Variants in SYT13 observed in about 807,000 individuals in gnomAD.
The protein encoded by SYT13 is synaptotagmin-13.
A neutral mutation model predicts 38.6 loss-of-function variants in SYT13; 21 were observed. That is an observed-to-expected ratio of 0.54 (90% CI 0.39 to 0.78). The LOEUF (loss-of-function observed/expected upper bound fraction) is 0.78. Ranked by LOEUF, SYT13 falls within the 30% of genes least tolerant of loss-of-function variation. The pLI, the probability that SYT13 is intolerant of heterozygous loss-of-function variation, is 0.00. For synonymous variants in SYT13, 241 were observed against 237.6 expected, an observed-to-expected ratio of 1.01 and a Z score of -0.13; for missense variants, 495 against 548.7, an observed-to-expected ratio of 0.90 and a Z score of 0.98.
intron 1 of SYT13, among the ~76,000 whole-genome samples, chr11:45,269,138 G>C (rs1003251716): frequency 1.3e-5 from 2 of 152,126 alleles, no homozygotes; most frequent in East Asian, 3.9e-4. Context: ...GCACCCTGAA[G>C]TCTGACAGGT....
At chr11:45,251,452 G>C (rs181671105) in intron 4 of SYT13, among the ~76,000 whole-genome samples, 74 of 151,476 alleles carry the variant, frequency 4.9e-4, no homozygotes, top group Middle Eastern at 3.4e-3. Context: ...TTAGCATGAG[G>C]GTTGTCAAAC....
intron 1 of SYT13, among the ~76,000 whole-genome samples, chr11:45,284,656 G>T (rs1855112652): frequency 1.3e-5 from 2 of 152,308 alleles, no homozygotes; most frequent in Admixed American, 1.3e-4. Context: ...AGGAAGGGGA[G>T]GGGGCGGTGC....
In SYT13 at chr11:45,246,391, A is replaced by AG. The variant is rs749284755; in HGVS notation, c.967dup (p.Leu323ProfsTer24). ...TCTCACATCTCACTCACCCTTCCCC[A>AG]GGAGCTCCTTGGACTGGTTAGAGTG... is the stretch of plus-strand genomic sequence containing the variant. On this transcript the variant is annotated frameshift_variant, in exon 5 of 6. Transcript: ENST00000020926. LOFTEE classifies it high-confidence loss of function. The AG allele has an allele frequency of 6.2e-7, 1 of 1,613,712 alleles. No homozygotes were observed. Among genetic ancestry groups the AG allele is most frequent in the Admixed American group, 1.7e-5 (1 of 59,990 alleles).
At chr11:45,281,711 C>G (rs1855076786) in intron 1 of SYT13, among the ~76,000 whole-genome samples, 1 of 151,368 alleles carries the variant, frequency 6.6e-6, no homozygotes, top group South Asian at 2.1e-4. Flanking sequence ...TGCTGAGGGC[C>G]AAGCAATTTC....
rs374724815 is a variant in SYT13, at chr11:45,263,106, G to A, written c.184-7215C>T. ...CTTCCTCATGAAGGGTAGCACAGAC[G>A]CCTCCGGCTCTGCCTCCAGTAATAA... On this transcript the variant is annotated intron_variant, in intron 1 of 5. Transcript: ENST00000020926. Among the ~76,000 whole-genome samples, 6 of 152,286 alleles carry A rather than the reference G, an allele frequency of 3.9e-5. No individual in the cohort carries two copies. In the East Asian group the frequency reaches 1.2e-3, roughly 29 times the overall value.
At position 45,266,829 on chromosome 11, in the gene SYT13, T is replaced by C. The variant is rs554472610; in HGVS notation, c.184-10938A>G. 5.3e-5 allele frequency among the ~76,000 whole-genome samples: 8 copies of C among 152,302 alleles called. No individual in the cohort carries two copies. In the South Asian group the frequency reaches 8.3e-4, roughly 16 times the overall value. ...AGGAAGGCACACCCAACCAATTGTG[T>C]CCTAGCAGATACTGACAACTAACTG... On this transcript the variant is annotated intron_variant, in intron 1 of 5. Transcript: ENST00000020926.
At position 45,266,503 on chromosome 11, in the gene SYT13, TACACAC is replaced by T. The variant is rs68112111; in HGVS notation, c.184-10618_184-10613del. On this transcript the variant is annotated intron_variant, in intron 1 of 5. Transcript: ENST00000020926. ...CATAATCCTTCCACTCCCTCTCAAA[TACACAC>T]ACACACACACACACACACACACACA... Among the ~76,000 whole-genome samples, 981 of 147,242 alleles carry T rather than the reference TACACAC, an allele frequency of 6.7e-3. 4 individuals carry two copies. The highest frequency in any genetic ancestry group is 0.017 in the Middle Eastern group (5 of 292).
intron 1 of SYT13, among the ~76,000 whole-genome samples, chr11:45,262,720 A>ATC (rs1273238622): frequency 5.0e-5 from 4 of 79,912 alleles, no homozygotes; most frequent in Non-Finnish European, 7.7e-5. Flanking sequence ...GGGAGATCCT[A>ATC]TCACACACAC....
rs1854628809 is a variant in SYT13 at position 45,247,627 on chromosome 11, C to G, written c.847-1115G>C. ...CTCCCTAAGCTTCCTCCCCTTCTGTCACACCCAGGATGTCTGTTCATCCAT... is the reference window on the plus strand; with the variant it reads ...CTCCCTAAGCTTCCTCCCCTTCTGTGACACCCAGGATGTCTGTTCATCCAT... On this transcript the variant is annotated intron_variant, in intron 4 of 5. Coordinates refer to ENST00000020926, the MANE Select transcript of SYT13 (RefSeq NM_020826.3). 2.0e-5 allele frequency among the ~76,000 whole-genome samples: 3 copies of G among 152,224 alleles called. No homozygotes were observed. In the South Asian group the frequency reaches 6.2e-4, roughly 31 times the overall value.
chr11:45,252,776 G>A lies in SYT13; in HGVS notation c.545-54C>T, dbSNP rs1313735165. 2.6e-6 allele frequency: 4 copies of A among 1,510,992 alleles called. No homozygotes were observed. The highest frequency in any genetic ancestry group is 1.3e-5 in the South Asian group (1 of 74,706). The allele number at this position is 1,510,992 out of a possible 1,614,324, so 93.6% of individuals were successfully genotyped here. A position where few individuals can be genotyped will look rare whatever the true frequency, so the allele number is the denominator to read the frequency against. ...GGGACTTTCTGAGGACAAGTGGAGG[G>A]GGCAGAAGCACGCCTTGCTTAGGGC... On this transcript the variant is annotated intron_variant, in intron 3 of 5. Transcript: ENST00000020926. This position sits in a 1 kb window ranked among gnomAD's most constrained non-coding sequence, Gnocchi z 4.3.
At chr11:45,246,756 T>C (rs1386396032) in intron 4 of SYT13, among the ~76,000 whole-genome samples, 1 of 152,072 alleles carries the variant, frequency 6.6e-6, no homozygotes, top group East Asian at 1.9e-4. Context: ...TCATATACCA[T>C]ATACTCAAAT....
intron 1 of SYT13, among the ~76,000 whole-genome samples, chr11:45,273,839 G>A (rs1197935843): frequency 1.3e-5 from 2 of 152,112 alleles, no homozygotes; most frequent in Non-Finnish European, 2.9e-5. Context: ...TTTCTTTCCC[G>A]CATGGTGAAT....
chr11:45,246,268 G>A, intron 5 of SYT13, 115 bp downstream of exon 5: 2 of 1,442,918 alleles, frequency 1.4e-6, no homozygotes, highest in Non-Finnish European at 1.9e-6. Flanking sequence ...CCGTAGATGT[G>A]CTCATATTCC....
intron 1 of SYT13, among the ~76,000 whole-genome samples, chr11:45,273,498 G>C (rs1854974856): frequency 6.6e-6 from 1 of 152,034 alleles, no homozygotes; most frequent in African/African-American, 2.4e-5. Flanking sequence ...CTTGGAGCAG[G>C]GGGTGGGGAA....
At chr11:45,262,266 C>T (rs1854826201) in intron 1 of SYT13, among the ~76,000 whole-genome samples, 1 of 152,044 alleles carries the variant, frequency 6.6e-6, no homozygotes, top group African/African-American at 2.4e-5. Flanking sequence ...ACTTAGAGTC[C>T]TCAAAATCAT....
chr11:45,263,474 G>A (rs1854844197), intron 1 of SYT13, among the ~76,000 whole-genome samples: 1 of 152,162 alleles, frequency 6.6e-6, no homozygotes, highest in Non-Finnish European at 1.5e-5. Context: ...TTGCAGGTGG[G>A]GGAAGCAGAT....
intron 1 of SYT13, among the ~76,000 whole-genome samples, chr11:45,285,096 G>A (rs1345454360): frequency 5.3e-5 from 8 of 152,168 alleles, no homozygotes; most frequent in Non-Finnish European, 1.0e-4. Flanking sequence ...TCATGCCCCT[G>A]CCCCAGGGCC....
At chr11:45,263,863 T>C (rs955070013) in intron 1 of SYT13, among the ~76,000 whole-genome samples, 1 of 152,194 alleles carries the variant, frequency 6.6e-6, no homozygotes, top group Non-Finnish European at 1.5e-5. Context: ...AGTTTCTTCA[T>C]CTGTAAAATG....
chr11:45,268,396 G>C (rs1397901602), intron 1 of SYT13, among the ~76,000 whole-genome samples: 1 of 151,612 alleles, frequency 6.6e-6, no homozygotes, highest in Non-Finnish European at 1.5e-5. Context: ...AGTGGTGGGG[G>C]GTGGGGGTGG....
Sources: allele counts gnomAD v4.1 joint callset (sites outside exome capture counted in the v4.1 genomes callset), GRCh38; gene constraint gnomAD v4.1.1; non-coding constraint Gnocchi (gnomAD v3.1); transcripts MANE v1.5; gene names NCBI Gene and HGNC (gene_info 2026-07-23, HGNC 2026-07-21).